PKHD1: variants seen among roughly 807,000 people sequenced by gnomAD.
The protein encoded by PKHD1 is fibrocystin.
In PKHD1, 291 loss-of-function variants were observed where a neutral mutation model predicts 412.0. The ratio of observed to expected loss-of-function variants is 0.71; its 90% CI spans 0.64 to 0.78. The LOEUF (loss-of-function observed/expected upper bound fraction) is 0.78, where lower values mean the gene tolerates loss of function less well. Among genes scored for constraint, PKHD1 ranks in the 30% least tolerant of loss-of-function variants. The pLI, the probability that PKHD1 is intolerant of heterozygous loss-of-function variation, is 0.00. For missense variants in PKHD1, 4,825 were observed against 4,950.7 expected, an observed-to-expected ratio of 0.97 and a Z score of 0.76; for synonymous variants, 1,777 against 1,821.5, an observed-to-expected ratio of 0.98 and a Z score of 0.62.
chr6:51,689,609 C>G (rs1236790311), intron 60 of PKHD1, among the ~76,000 whole-genome samples: 1 of 152,134 alleles, frequency 6.6e-6, no homozygotes, highest in Non-Finnish European at 1.5e-5. Flanking sequence ...TAGTCTCAGC[C>G]CAAAAGCTTC....
At chr6:51,918,654 T>C (rs1278148990) in intron 37 of PKHD1, among the ~76,000 whole-genome samples, 1 of 152,234 alleles carries the variant, frequency 6.6e-6, no homozygotes, top group Non-Finnish European at 1.5e-5. Context: ...TCAATAAACA[T>C]ACGTGTGCAT....
intron 37 of PKHD1, among the ~76,000 whole-genome samples, chr6:51,923,395 A>T (rs1483223838): frequency 6.6e-6 from 1 of 152,136 alleles, no homozygotes; most frequent in Non-Finnish European, 1.5e-5. Flanking sequence ...TAATACCTAC[A>T]CAAATGGGTG....
chr6:52,050,784 G>A (rs1581960171), intron 21 of PKHD1, among the ~76,000 whole-genome samples: 1 of 152,178 alleles, frequency 6.6e-6, no homozygotes, highest in Non-Finnish European at 1.5e-5. Context: ...AGCTTTAAGA[G>A]AGACCACTGG....
rs568287128 is a variant in PKHD1 at position 51,942,983 on chromosome 6, G to A, written c.5909-8661C>T. 2.1e-3 allele frequency among the ~76,000 whole-genome samples: 318 copies of A among 151,548 alleles called. 3 individuals carry two copies. Among genetic ancestry groups the A allele is most frequent in the African/African-American group, 7.2e-3 (299 of 41,436 alleles). On this transcript the variant is annotated intron_variant, in intron 36 of 66. Transcript: ENST00000371117. The stretch of plus-strand genomic sequence containing the variant: ...AAGTCAGGAAACTAAAATACCTCTT[G>A]GTCTAGGTAGACACTTTCACTGGAT...
intron 35 of PKHD1, among the ~76,000 whole-genome samples, chr6:51,997,940 T>C (rs1418068270): frequency 6.6e-6 from 1 of 152,226 alleles, no homozygotes; most frequent in Non-Finnish European, 1.5e-5. Flanking sequence ...TCTGATTCCC[T>C]GTAGACTCAC....
rs531466080 is a variant in PKHD1 at position 51,619,218 on chromosome 6, G to T, written c.12088C>A (p.Gln4030Lys). Residue 4030 changes from glutamine to lysine, a missense_variant, in exon 67 of 67, where the codon CAG (glutamine) becomes AAG (lysine). Transcript: ENST00000371117. The stretch of plus-strand genomic sequence containing the variant: ...CTCAGCCGACTTTGCCCTGGCAACT[G>T]CTGCCTCTCTTGTCTGAAGTCTGGG... Reference protein sequence around the residue: ...LCPDFRQERQQLPGQSRLSKQ... With the variant: ...LCPDFRQERQKLPGQSRLSKQ... The T allele has an allele frequency of 3.7e-6, 6 of 1,614,268 alleles. No homozygotes were observed. The East Asian group carries it at 6.7e-5, about 18-fold the overall frequency.
intron 29 of PKHD1, among the ~76,000 whole-genome samples, chr6:52,030,983 T>C (rs1332977197): frequency 6.7e-6 from 1 of 148,856 alleles, no homozygotes; most frequent in Non-Finnish European, 1.5e-5. Context: ...CATGAAGAAG[T>C]AAAAAAAAAA....
chr6:51,984,367 C>G (rs1005698861), intron 35 of PKHD1, among the ~76,000 whole-genome samples: 1 of 152,176 alleles, frequency 6.6e-6, no homozygotes, highest in African/African-American at 2.4e-5. Context: ...TACTCCTCAA[C>G]AAAGAAGGCT....
At chr6:51,837,365 C>A (rs1436589541) in intron 50 of PKHD1, among the ~76,000 whole-genome samples, 1 of 152,130 alleles carries the variant, frequency 6.6e-6, no homozygotes, top group African/African-American at 2.4e-5. Flanking sequence ...AACCCTAAAC[C>A]CTTTCCTCCA....
intron 48 of PKHD1, 111 bp from the exon 49 acceptor site, chr6:51,856,181 A>G (rs1467376041): frequency 3.9e-6 from 3 of 772,006 alleles, no homozygotes; most frequent in Non-Finnish European, 6.9e-6. Context: ...CTCTCCACAT[A>G]TGTCTTAGGC....
At chr6:51,639,838 T>C (rs1385677635) in intron 63 of PKHD1, among the ~76,000 whole-genome samples, 1 of 152,232 alleles carries the variant, frequency 6.6e-6, no homozygotes, top group Non-Finnish European at 1.5e-5. Context: ...TTGAGATCTC[T>C]AAGGCTGAAA....
chr6:51,850,899 G>A lies in PKHD1; in HGVS notation c.7912-2929C>T, dbSNP rs542422639. Reference sequence around the variant, plus strand: ...TCAATGCCCTTTATTTCTTTCTCTTGCCTGATTACCCGGCCAGAACTTCCA... The same window carrying A: ...TCAATGCCCTTTATTTCTTTCTCTTACCTGATTACCCGGCCAGAACTTCCA... On this transcript the variant is annotated intron_variant, in intron 49 of 66. Transcript: ENST00000371117. Among the ~76,000 whole-genome samples, 81 of 152,078 alleles carry A rather than the reference G, an allele frequency of 5.3e-4. 2 individuals are homozygous for A. In the South Asian group the frequency reaches 0.017, roughly 31 times the overall value.
intron 50 of PKHD1, among the ~76,000 whole-genome samples, chr6:51,840,626 T>C (rs926576628): frequency 2.0e-5 from 3 of 152,170 alleles, no homozygotes; most frequent in Admixed American, 6.5e-5. Context: ...AGGAGGGTCC[T>C]GGGAATAAGC....
intron 43 of PKHD1, among the ~76,000 whole-genome samples, chr6:51,898,110 C>G (rs1780455757): frequency 6.6e-6 from 1 of 151,676 alleles, no homozygotes; most frequent in Non-Finnish European, 1.5e-5. Flanking sequence ...ATCAACGAGA[C>G]AGAAAGTCAA....
intron 57 of PKHD1, among the ~76,000 whole-genome samples, chr6:51,752,350 T>C (rs1304272451): frequency 1.3e-5 from 2 of 152,244 alleles, no homozygotes; most frequent in East Asian, 1.9e-4. Context: ...CAAGTAAAAA[T>C]GTCTCTAGAT....
In PKHD1 at chr6:51,702,159, ATATAT is replaced by A. The variant is rs983020043; in HGVS notation, c.10157-42195_10157-42191del. On this transcript the variant is annotated intron_variant, in intron 60 of 66. Transcript: ENST00000371117. ...AAAAATACATATTATTATATATTAT[ATATAT>A]TATATGTATAATATATAATATATTA... 1.1e-4 allele frequency among the ~76,000 whole-genome samples: 16 copies of A among 147,050 alleles called. No individual in the cohort carries two copies. In the South Asian group the frequency reaches 2.3e-3, roughly 21 times the overall value.
rs769256062 is a variant in PKHD1, at chr6:51,856,046, A to G, written c.7758T>C (p.Tyr2586=). 4 of 1,604,000 alleles carry G rather than the reference A, an allele frequency of 2.5e-6. No homozygotes were observed. In the African/African-American group the frequency reaches 4.0e-5, roughly 16 times the overall value. The change falls in exon 49 of 67, where the codon TAT becomes TAC. Residue 2586 remains tyrosine, a synonymous_variant. Transcript: ENST00000371117. The part of the protein sequence containing the change: ...IGLANTPEVS[Y]DLTMTDSRNK... The stretch of plus-strand genomic sequence containing the variant: ...TTCTGCTGTCAGTCATGGTTAAATC[A>G]TAAGAAACTTCAGGAGTATTCGCTC...
At chr6:51,813,681 AATATG>A (rs1450756040) in intron 52 of PKHD1, among the ~76,000 whole-genome samples, 1 of 152,184 alleles carries the variant, frequency 6.6e-6, no homozygotes, top group Non-Finnish European at 1.5e-5. Flanking sequence ...TTATTAACGC[AATATG>A]ATTTGGGCTT....
chr6:51,867,290 C>A (rs1417884166), intron 48 of PKHD1, among the ~76,000 whole-genome samples: 1 of 152,154 alleles, frequency 6.6e-6, no homozygotes, highest in Non-Finnish European at 1.5e-5. Context: ...TTATAAACAG[C>A]CCCGCTGCTG....
Sources: gnomAD v4.1 joint callset for allele counts (sites outside exome capture counted in the v4.1 genomes callset) on GRCh38, gnomAD v4.1.1 for gene constraint, MANE v1.5 for transcripts, NCBI Gene and HGNC (gene_info 2026-07-23, HGNC 2026-07-21) for gene names.